Variants in SMYD2 observed in about 807,000 individuals in gnomAD.
SMYD2 encodes the protein N-lysine methyltransferase SMYD2.
In SMYD2, 53 loss-of-function variants were observed where a neutral mutation model predicts 59.1. That is an observed-to-expected ratio of 0.90 (90% confidence interval 0.72 to 1.13). The LOEUF is 1.13. SMYD2 is among the 50% of genes most tolerant of loss of function. The pLI is 0.00. For missense variants in SMYD2, 494 were observed against 544.7 expected (o/e 0.91, Z 0.93); for synonymous variants, 208 against 198.8 (o/e 1.05, Z -0.39).
intron 2 of SMYD2, among the ~76,000 whole-genome samples, chr1:214,306,892 T>C (rs1656922620): frequency 6.6e-6 from 1 of 152,150 alleles, no homozygotes; most frequent in Non-Finnish European, 1.5e-5. Flanking sequence ...AAGTTATGGC[T>C]GGGCGCGGTG....
chr1:214,292,008 A>G (rs1656643067), intron 1 of SMYD2, among the ~76,000 whole-genome samples: 2 of 152,012 alleles, frequency 1.3e-5, no homozygotes, highest in Non-Finnish European at 2.9e-5. Context: ...GGAACAATCT[A>G]TTTATTTCAT....
chr1:214,299,398 G>C lies in SMYD2; in HGVS notation c.174-5789G>C, dbSNP rs571358349. On this transcript the variant is annotated intron_variant, in intron 1 of 11. Coordinates refer to ENST00000366957, the MANE Select transcript of SMYD2 (RefSeq NM_020197.3). ...GCACTCAAATGTTCATTGCAACACTGTTCACACTAGCAAAGACACAGAATC... is the reference window on the plus strand; with the variant it reads ...GCACTCAAATGTTCATTGCAACACTCTTCACACTAGCAAAGACACAGAATC... Among the ~76,000 whole-genome samples, 15 of 151,212 alleles carry C rather than the reference G, an allele frequency of 9.9e-5. No individual in the cohort carries two copies. The East Asian group carries it at 2.7e-3, about 27-fold the overall frequency.
chr1:214,328,564 A>C (rs1294863034), intron 7 of SMYD2, among the ~76,000 whole-genome samples: 1 of 152,234 alleles, frequency 6.6e-6, no homozygotes, highest in African/African-American at 2.4e-5. Context: ...ATGAGTTTTT[A>C]GGAACTTGTA....
intron 5 of SMYD2, among the ~76,000 whole-genome samples, chr1:214,320,078 G>C (rs1285535584): frequency 6.6e-6 from 1 of 152,146 alleles, no homozygotes; most frequent in Admixed American, 6.5e-5. Context: ...AGAGGAGGAA[G>C]GGAAGAAGAA....
chr1:214,320,007 T>C (rs1226463839), intron 5 of SMYD2, among the ~76,000 whole-genome samples: 3 of 152,150 alleles, frequency 2.0e-5, no homozygotes, highest in Non-Finnish European at 4.4e-5. Context: ...ACGTACAAAT[T>C]GTTTATTGTA....
intron 1 of SMYD2, among the ~76,000 whole-genome samples, chr1:214,295,824 A>G (rs1164538961): frequency 6.6e-6 from 1 of 152,200 alleles, no homozygotes; most frequent in Non-Finnish European, 1.5e-5. Flanking sequence ...GGGTTCTGCC[A>G]CAATTCCTCC....
intron 7 of SMYD2, among the ~76,000 whole-genome samples, chr1:214,329,100 G>A (rs1168268944): frequency 6.6e-6 from 1 of 152,202 alleles, no homozygotes; most frequent in Non-Finnish European, 1.5e-5. Context: ...GGGCAGGGGT[G>A]GCTGCAGTTT....
At chr1:214,281,993 C>T (rs1306786301) in intron 1 of SMYD2, among the ~76,000 whole-genome samples, 3 of 152,208 alleles carry the variant, frequency 2.0e-5, no homozygotes, top group Non-Finnish European at 4.4e-5. Context: ...GGGCACTGAC[C>T]ACACCCCCTG....
At chr1:214,327,052 A>G (rs1200180089) in intron 6 of SMYD2, among the ~76,000 whole-genome samples, 1 of 152,256 alleles carries the variant, frequency 6.6e-6, no homozygotes, top group Non-Finnish European at 1.5e-5. Flanking sequence ...CTGTCCCTGA[A>G]AAGCAGACAG....
At chr1:214,294,210 C>T (rs1456557494) in intron 1 of SMYD2, among the ~76,000 whole-genome samples, 1 of 152,178 alleles carries the variant, frequency 6.6e-6, no homozygotes, top group South Asian at 2.1e-4. Flanking sequence ...TCTGTTCAAA[C>T]GGTATCCGAT....
At chr1:214,299,481 A>ATATATATATATATATATATG (rs1363365408) in intron 1 of SMYD2, among the ~76,000 whole-genome samples, 3 of 28,782 alleles carry the variant, frequency 1.0e-4, no homozygotes, top group Non-Finnish European at 8.6e-5. Context: ...ATATATATAT[A>ATATATATATATATATATATG]TACACCATAG....
chr1:214,330,910 AT>A, intron 8 of SMYD2, 39 bp from the exon 9 acceptor site: 1 of 1,612,908 alleles, frequency 6.2e-7, no homozygotes. Context: ...TGTGGTTTCC[AT>A]GGGCGGTAAC....
intron 11 of SMYD2, among the ~76,000 whole-genome samples, chr1:214,334,993 C>T (rs1025917031): frequency 5.3e-5 from 8 of 152,212 alleles, no homozygotes; most frequent in African/African-American, 1.9e-4. Flanking sequence ...CTGTGCTGCC[C>T]AGGAGCCAGG....
rs932726409 is a variant in SMYD2 at position 214,331,913 on chromosome 1, G to T, written c.938-105G>T. On this transcript the variant is annotated intron_variant, in intron 9 of 11. Coordinates refer to ENST00000366957, the MANE Select transcript of SMYD2 (RefSeq NM_020197.3). ...GGCTTTCTGTAAGTTACTTTTTCAT[G>T]GGGTAAGGGTGAGAGTGGAGTGGAC... 1.1e-4 allele frequency: 107 copies of T among 984,052 alleles called. 3 individuals are homozygous for T. The South Asian group carries it at 1.8e-3, about 17-fold the overall frequency. 61.0% of individuals were successfully genotyped at this position (984,052 alleles called of 1,614,324 possible).
At chr1:214,304,190 C>A (rs1052401413) in intron 1 of SMYD2, among the ~76,000 whole-genome samples, 10 of 151,838 alleles carry the variant, frequency 6.6e-5, no homozygotes, top group Non-Finnish European at 1.3e-4. Context: ...TATGAAGAGG[C>A]AGAAGAATAG....
rs1657123112 is a variant in SMYD2 at position 214,318,649 on chromosome 1, G to C, written c.410-210G>C. ...AAGTGACTTCTAGTCATCAGAGGGA[G>C]AGAAGGAAGAAATGGCTTGCTTTCT... On this transcript the variant is annotated intron_variant, in intron 4 of 11. Coordinates refer to ENST00000366957, the MANE Select transcript of SMYD2 (RefSeq NM_020197.3). The surrounding 1 kb of genome is among the most constrained non-coding windows in gnomAD (Gnocchi z 5.4). Among the ~76,000 whole-genome samples the C allele has an allele frequency of 6.6e-6, 1 of 152,128 alleles. No individual in the cohort carries two copies. Among genetic ancestry groups the C allele is most frequent in the African/African-American group, 2.4e-5 (1 of 41,420 alleles).
intron 11 of SMYD2, among the ~76,000 whole-genome samples, chr1:214,334,689 G>A (rs565513440): frequency 1.1e-4 from 16 of 152,290 alleles, no homozygotes; most frequent in African/African-American, 2.9e-4. Context: ...TTAGAATTGC[G>A]CATTTGCTGT....
At position 214,302,832 on chromosome 1, in the gene SMYD2, G is replaced by C. The variant is rs1419085807; in HGVS notation, c.174-2355G>C. 3.3e-5 allele frequency among the ~76,000 whole-genome samples: 5 copies of C among 152,274 alleles called. No individual in the cohort carries two copies. The South Asian group carries it at 1.0e-3, about 32-fold the overall frequency. On this transcript the variant is annotated intron_variant, in intron 1 of 11. Transcript: ENST00000366957. ...AACTTTACTACTGGTTTCTGTGCAA[G>C]AAAACCTGTATTAATCCTTGCTTTT...
At position 214,332,089 on chromosome 1, in the gene SMYD2, G is replaced by A. The variant is rs765154080; in HGVS notation, c.1009G>A (p.Val337Met). Residue 337 changes from valine to methionine, a missense_variant, in exon 10 of 12, where the codon GTG (valine) becomes ATG (methionine). Val to Met is a conservative substitution (Grantham distance 21). Transcript: ENST00000366957. ...GAGCTCTGTGTTTGAGGACAGTAAC[G>A]TGTACATGTTGCACATGATGTACCA... ...KMSSVFEDSN[V>M]YMLHMMYQAM... is the part of the protein sequence containing the mutation. The A allele has an allele frequency of 3.1e-6, 5 of 1,614,024 alleles. No individual in the cohort carries two copies. The highest frequency in any genetic ancestry group is 1.1e-5 in the South Asian group (1 of 91,082).
Sources: gnomAD v4.1 joint callset for allele counts (sites outside exome capture counted in the v4.1 genomes callset) on GRCh38, gnomAD v4.1.1 for gene constraint, Gnocchi (gnomAD v3.1) non-coding constraint, MANE v1.5 for transcripts, NCBI Gene and HGNC (gene_info 2026-07-23, HGNC 2026-07-21) for gene names.